Variants in TRIM71 observed in about 807,000 individuals in gnomAD.
The protein encoded by TRIM71 is tripartite motif containing 71.
A neutral mutation model predicts 61.2 loss-of-function variants in TRIM71; 9 were observed. The observed-to-expected ratio is 0.15, with a 90% confidence interval of 0.09 to 0.26. The LOEUF is 0.26. Ranked by LOEUF, TRIM71 falls within the 10% of genes least tolerant of loss-of-function variation. The pLI is 1.00. For synonymous variants in TRIM71, 645 were observed against 553.2 expected (o/e 1.17, Z -2.33); for missense variants, 998 against 1,238.7 (o/e 0.81, Z 2.92).
At chr3:32,821,694 C>T (rs1696135875) in intron 1 of TRIM71, among the ~76,000 whole-genome samples, 1 of 152,138 alleles carries the variant, frequency 6.6e-6, no homozygotes, top group African/African-American at 2.4e-5. Flanking sequence ...GTGGCCCAGC[C>T]GGCATCCGGG....
At chr3:32,879,318 A>G (rs1405784043) in intron 2 of TRIM71, among the ~76,000 whole-genome samples, 2 of 152,174 alleles carry the variant, frequency 1.3e-5, no homozygotes, top group African/African-American at 4.8e-5. Context: ...GTGAACTTCT[A>G]ATTTATTTCA....
intron 3 of TRIM71, among the ~76,000 whole-genome samples, chr3:32,886,295 C>T (rs956133048): frequency 5.9e-5 from 9 of 152,158 alleles, no homozygotes; most frequent in Non-Finnish European, 1.2e-4. Flanking sequence ...CGTGGGTAAC[C>T]AAGACTGGAA....
At chr3:32,861,605 T>C (rs1224187013) in intron 1 of TRIM71, among the ~76,000 whole-genome samples, 1 of 152,172 alleles carries the variant, frequency 6.6e-6, no homozygotes, top group Non-Finnish European at 1.5e-5. Flanking sequence ...TAAGCATCCC[T>C]CTTTCACCTG....
intron 1 of TRIM71, among the ~76,000 whole-genome samples, chr3:32,854,908 C>T (rs1335340311): frequency 6.6e-6 from 1 of 152,126 alleles, no homozygotes; most frequent in African/African-American, 2.4e-5. Flanking sequence ...CAGTGATCTC[C>T]CTTACCCACG....
chr3:32,823,524 A>C lies in TRIM71; in HGVS notation c.852+4592A>C, dbSNP rs567029873. 1.5e-4 allele frequency among the ~76,000 whole-genome samples: 23 copies of C among 152,376 alleles called. 1 individual carries two copies. The South Asian group carries it at 4.8e-3, about 32-fold the overall frequency. The stretch of plus-strand genomic sequence containing the variant: ...GATTTGATACAAGATTTTTATTTCC[A>C]ATTCTAGGAATATACATTTTGGAAG... On this transcript the variant is annotated intron_variant, in intron 1 of 3. Transcript: ENST00000383763.
rs184943378 is a variant in TRIM71 at position 32,873,811 on chromosome 3, T to C, written c.853-7T>C. 2,239 of 1,556,208 alleles carry C rather than the reference T, an allele frequency of 1.4e-3. 37 individuals are homozygous for C. In the African/African-American group the frequency reaches 0.027, roughly 19 times the overall value. ...CCATTTATGCCTGTACCCTCTCTTG[T>C]CCCCAGGTGCTGCACCTGTACTGTG... is the stretch of plus-strand genomic sequence containing the variant. On this transcript the variant is annotated splice_region_variant and splice_polypyrimidine_tract_variant and intron_variant, in intron 1 of 3. Transcript: ENST00000383763.
chr3:32,852,164 T>C (rs769997606), intron 1 of TRIM71, among the ~76,000 whole-genome samples: 1 of 151,994 alleles, frequency 6.6e-6, no homozygotes, highest in Non-Finnish European at 1.5e-5. Context: ...CCCTGGGGGG[T>C]AGCCTTTTGG....
At chr3:32,856,079 G>A (rs544222685) in intron 1 of TRIM71, among the ~76,000 whole-genome samples, 3 of 152,236 alleles carry the variant, frequency 2.0e-5, no homozygotes, top group South Asian at 2.1e-4. Context: ...GTGCAGTGGC[G>A]CAATCTGGGC....
rs573618502 is a variant in TRIM71, at chr3:32,872,144, C to T, written c.853-1674C>T. Among the ~76,000 whole-genome samples, 19 of 152,184 alleles carry T rather than the reference C, an allele frequency of 1.2e-4. 1 individual carries two copies. In the South Asian group the frequency reaches 3.7e-3, roughly 30 times the overall value. ...CAGCCTGGGTGACAAGAGCAAGACT[C>T]TGTCTCAAAAACAAACAAATAAAGT... On this transcript the variant is annotated intron_variant, in intron 1 of 3. Coordinates refer to ENST00000383763, the MANE Select transcript of TRIM71 (RefSeq NM_001039111.3).
chr3:32,856,179 G>A (rs1188574072), intron 1 of TRIM71, among the ~76,000 whole-genome samples: 2 of 151,948 alleles, frequency 1.3e-5, no homozygotes, highest in East Asian at 1.9e-4. Context: ...CACCACGCCC[G>A]GCTATTTTTT....
chr3:32,828,402 C>T lies in TRIM71; in HGVS notation c.852+9470C>T, dbSNP rs71325113. ...AGATTCTGCTTTGCCTCAGTTTTTGCATCTGTAAAATGAGGGTAACTCTTT... is the reference window on the plus strand; with the variant it reads ...AGATTCTGCTTTGCCTCAGTTTTTGTATCTGTAAAATGAGGGTAACTCTTT... On this transcript the variant is annotated intron_variant, in intron 1 of 3. Transcript: ENST00000383763. Among the ~76,000 whole-genome samples, 697 of 151,748 alleles carry T rather than the reference C, an allele frequency of 4.6e-3. 4 individuals carry two copies. Among genetic ancestry groups the T allele is most frequent in the South Asian group, 0.013 (62 of 4,798 alleles).
intron 3 of TRIM71, among the ~76,000 whole-genome samples, chr3:32,888,947 TC>T (rs1696992986): frequency 6.6e-6 from 1 of 152,210 alleles, no homozygotes; most frequent in South Asian, 2.1e-4. Context: ...GAGATAGCTC[TC>T]CCTATGGCCT....
chr3:32,872,415 T>G (rs1696806745), intron 1 of TRIM71, among the ~76,000 whole-genome samples: 2 of 152,134 alleles, frequency 1.3e-5, no homozygotes, highest in Admixed American at 1.3e-4. Flanking sequence ...GTGAAGATTT[T>G]GGTTGTTAAT....
chr3:32,886,918 C>T (rs944092323), intron 3 of TRIM71, among the ~76,000 whole-genome samples: 1 of 152,190 alleles, frequency 6.6e-6, no homozygotes, highest in African/African-American at 2.4e-5. Flanking sequence ...CTTTCTGCCT[C>T]TTCTGACCTC....
intron 1 of TRIM71, among the ~76,000 whole-genome samples, chr3:32,841,613 C>T (rs1472830519): frequency 2.0e-5 from 3 of 152,096 alleles, no homozygotes; most frequent in East Asian, 1.9e-4. Flanking sequence ...TGAGGCCCAC[C>T]GCCAACCCCC....
intron 1 of TRIM71, among the ~76,000 whole-genome samples, chr3:32,829,754 G>T (rs1003146963): frequency 4.0e-5 from 6 of 151,882 alleles, no homozygotes; most frequent in Non-Finnish European, 8.8e-5. Context: ...TTACAAATGG[G>T]AATGCTGAGG....
chr3:32,853,841 G>A (rs1031699180), intron 1 of TRIM71, among the ~76,000 whole-genome samples: 5 of 151,986 alleles, frequency 3.3e-5, no homozygotes, highest in African/African-American at 9.7e-5. Flanking sequence ...ACCCTATCTC[G>A]ACTAAAAATA....
At chr3:32,824,057 AGT>A (rs1491295862) in intron 1 of TRIM71, among the ~76,000 whole-genome samples, 1 of 750 alleles carries the variant, frequency 1.3e-3, no homozygotes, top group Non-Finnish European at 0.01. Flanking sequence ...CCTGGGCAAC[AGT>A]GAGACTTGTC....
intron 1 of TRIM71, among the ~76,000 whole-genome samples, chr3:32,823,459 A>G (rs953988039): frequency 8.5e-5 from 13 of 152,224 alleles, no homozygotes; most frequent in Admixed American, 3.9e-4. Flanking sequence ...TCCTTTACAA[A>G]GATAAACTAT....
Sources: gnomAD v4.1 joint callset for allele counts (sites outside exome capture counted in the v4.1 genomes callset) on GRCh38, gnomAD v4.1.1 for gene constraint, MANE v1.5 for transcripts, NCBI Gene and HGNC (gene_info 2026-07-23, HGNC 2026-07-21) for gene names.